The following ENTPD7 variants were observed in gnomAD, a reference collection of about 807,000 sequenced individuals.
ENTPD7 encodes NTPDase 7.
Under a neutral mutation model 77.9 loss-of-function variants are expected in ENTPD7, and 53 were observed. The observed-to-expected ratio is 0.68, with a 90% CI of 0.55 to 0.85. The LOEUF (loss-of-function observed/expected upper bound fraction) is 0.85. ENTPD7 is among the 40% of genes least tolerant of loss of function. ENTPD7 has a pLI of 0.00. For synonymous variants in ENTPD7, 248 were observed against 274.9 expected, an observed-to-expected ratio of 0.90 and a Z score of 0.97; for missense variants, 636 against 743.7, an observed-to-expected ratio of 0.86 and a Z score of 1.68.
In ENTPD7 at chr10:99,711,021, G is replaced by A. The variant is rs752667154; in HGVS notation, c.*6338G>A. 1 of 984,960 alleles carries A rather than the reference G, an allele frequency of 1.0e-6. No homozygotes were observed. Among genetic ancestry groups the A allele is most frequent in the African/African-American group, 1.7e-5 (1 of 57,184 alleles). 61.0% of individuals were successfully genotyped at this position (984,960 alleles called of 1,614,324 possible). A position where few individuals can be genotyped will look rare whatever the true frequency, so the allele number is the denominator to read the frequency against. On this transcript the variant is annotated 3_prime_UTR_variant, in exon 13 of 13. Transcript: ENST00000370489. Reference sequence around the variant, plus strand: ...AAAAAGGTATTTGGAACATCAATCTGTAATTATCCATTTTCCATTCATGCA... The same window carrying A: ...AAAAAGGTATTTGGAACATCAATCTATAATTATCCATTTTCCATTCATGCA...
At position 99,696,128 on chromosome 10, in the gene ENTPD7, T is replaced by C; in HGVS notation, c.1010+6T>C. ...GAAACTCTTAACAAAAACAGGTACA[T>C]TTGATATGGGATCTGAGTTTCTGAA... On this transcript the variant is annotated splice_donor_region_variant and intron_variant, in intron 9 of 12. Coordinates refer to ENST00000370489, the MANE Select transcript of ENTPD7 (RefSeq NM_020354.5). 6.2e-7 allele frequency: 1 copy of C among 1,612,598 alleles called. No individual in the cohort carries two copies. The highest frequency in any genetic ancestry group is 8.5e-7 in the Non-Finnish European group (1 of 1,179,566).
intron 3 of ENTPD7, among the ~76,000 whole-genome samples, chr10:99,676,762 G>A (rs1243351001): frequency 6.6e-6 from 1 of 152,112 alleles, no homozygotes; most frequent in Non-Finnish European, 1.5e-5. Flanking sequence ...GATATGTGGT[G>A]AAATGGAATC....
At chr10:99,693,806 T>C (rs1381553043) in intron 8 of ENTPD7, among the ~76,000 whole-genome samples, 1 of 151,854 alleles carries the variant, frequency 6.6e-6, no homozygotes, top group Non-Finnish European at 1.5e-5. Flanking sequence ...CTAACCCTGC[T>C]ACTCAGGAGG....
Position 99,661,541 on chromosome 10 carries a change from T to C in ENTPD7, c.104T>C (p.Phe35Ser). Residue 35 changes from phenylalanine (F) to serine (S), a missense_variant, in exon 3 of 13, where the codon TTC becomes TCC. By Grantham distance (155) the Phe-to-Ser change is radical. Coordinates refer to ENST00000370489, the MANE Select transcript of ENTPD7 (RefSeq NM_020354.5). The stretch of plus-strand genomic sequence containing the variant: ...CAGCGGGTGGCATTCCTGGGACTCT[T>C]CTTCATATCCTGTCTCCTTTTACTT... ...LRQRVAFLGL[F>S]FISCLLLLML... is the part of the protein sequence containing the mutation. 6.2e-7 allele frequency: 1 copy of C among 1,614,048 alleles called. No individual in the cohort carries two copies. Among genetic ancestry groups the C allele is most frequent in the South Asian group, 1.1e-5 (1 of 91,068 alleles).
At chr10:99,667,177 A>G (rs2035560582) in intron 3 of ENTPD7, among the ~76,000 whole-genome samples, 1 of 152,232 alleles carries the variant, frequency 6.6e-6, no homozygotes, top group Admixed American at 6.5e-5. Flanking sequence ...ACACCCTGGA[A>G]TGCTGTGGCT....
rs1448943869 is a variant in ENTPD7 at position 99,663,329 on chromosome 10, GTCC to G, written c.191+1703_191+1705del. Among the ~76,000 whole-genome samples the G allele has an allele frequency of 6.6e-5, 10 of 152,164 alleles. No individual in the cohort carries two copies. The East Asian group carries it at 1.9e-3, about 29-fold the overall frequency. The stretch of plus-strand genomic sequence containing the variant: ...TTGCATTCTTTCTGAGATGTCTGCT[GTCC>G]TTTTAATCTTTGTTCTCTCTGTATA... On this transcript the variant is annotated intron_variant, in intron 3 of 12. Transcript: ENST00000370489.
intron 3 of ENTPD7, among the ~76,000 whole-genome samples, chr10:99,671,517 A>C (rs2035618978): frequency 6.6e-6 from 1 of 152,162 alleles, no homozygotes; most frequent in Non-Finnish European, 1.5e-5. Flanking sequence ...AAGTAATAGG[A>C]ATTTTTTCAG....
intron 8 of ENTPD7, 119 bp downstream of exon 8, chr10:99,691,637 A>T: frequency 8.8e-7 from 1 of 1,131,182 alleles, no homozygotes; most frequent in Non-Finnish European, 1.2e-6. Flanking sequence ...GATACTTGCT[A>T]GCTTGCGTTA....
chr10:99,660,658 C>T (rs1215361896), intron 2 of ENTPD7, among the ~76,000 whole-genome samples: 1 of 152,180 alleles, frequency 6.6e-6, no homozygotes, highest in African/African-American at 2.4e-5. Context: ...GGTGCAGTAG[C>T]TCACGCCTGT....
chr10:99,709,867 A>G lies in ENTPD7; in HGVS notation c.*5184A>G. On this transcript the variant is annotated 3_prime_UTR_variant, in exon 13 of 13. Coordinates refer to ENST00000370489, the MANE Select transcript of ENTPD7 (RefSeq NM_020354.5). ...AGGGACGAGGAAGGAATAACACACC[A>G]GTTGACCATTTTGTTTCTCTGAAAA... 1 of 985,444 alleles carries G rather than the reference A, an allele frequency of 1.0e-6. No individual in the cohort carries two copies. Among genetic ancestry groups the G allele is most frequent in the Non-Finnish European group, 1.2e-6 (1 of 829,912 alleles). 61.0% of individuals were successfully genotyped at this position (985,444 alleles called of 1,614,324 possible).
Position 99,679,356 on chromosome 10 carries a change from G to A in ENTPD7, c.287G>A (p.Arg96Gln), listed in dbSNP as rs775993892. ...LVVDCGSSGS[R>Q]IFVYFWPRHN... is the part of the protein sequence containing the mutation. Reference sequence around the variant, plus strand: ...GTTGACTGTGGCAGCAGTGGTTCCCGGATTTTTGTTTATTTCTGGCCAAGA... The same window carrying A: ...GTTGACTGTGGCAGCAGTGGTTCCCAGATTTTTGTTTATTTCTGGCCAAGA... The change falls in exon 4 of 13, where the codon CGG (arginine) becomes CAG (glutamine). Residue 96 changes from arginine to glutamine, a missense_variant. Around this residue, in one of 3 missense-constraint regions of ENTPD7, gnomAD observed 486 missense variants for 556.5 expected, o/e 0.87. Transcript: ENST00000370489. The A allele has an allele frequency of 2.4e-5, 38 of 1,613,934 alleles. No individual in the cohort carries two copies. Among genetic ancestry groups the A allele is most frequent in the Middle Eastern group, 3.3e-4 (2 of 6,084 alleles).
intron 5 of ENTPD7, among the ~76,000 whole-genome samples, chr10:99,683,026 C>G (rs1045947463): frequency 7.2e-5 from 11 of 152,166 alleles, no homozygotes; most frequent in Admixed American, 7.2e-4. Flanking sequence ...TGTGTAGCTC[C>G]ACCCTTTTTG....
chr10:99,694,260 G>A lies in ENTPD7; in HGVS notation c.844-1696G>A, dbSNP rs866975757. Among the ~76,000 whole-genome samples, 35 of 152,160 alleles carry A rather than the reference G, an allele frequency of 2.3e-4. 1 individual carries two copies. The Middle Eastern group carries it at 0.01, about 44-fold the overall frequency. The stretch of plus-strand genomic sequence containing the variant: ...TCTCTCCAGTGGATTTGCCTATTCC[G>A]GACATTTTGTATAAATGAAATCATA... On this transcript the variant is annotated intron_variant, in intron 8 of 12. Coordinates refer to ENST00000370489, the MANE Select transcript of ENTPD7 (RefSeq NM_020354.5).
intron 11 of ENTPD7, among the ~76,000 whole-genome samples, chr10:99,701,770 G>A (rs940612911): frequency 1.9e-4 from 29 of 151,742 alleles, no homozygotes; most frequent in African/African-American, 6.3e-4. Flanking sequence ...TAAAATTGCC[G>A]GGCATGGTGG....
rs190584330 is a variant in ENTPD7, at chr10:99,660,748, C to T, written c.9-698C>T. 8.1e-4 allele frequency among the ~76,000 whole-genome samples: 123 copies of T among 152,092 alleles called. 1 individual carries two copies. Among genetic ancestry groups the T allele is most frequent in the Non-Finnish European group, 1.3e-3 (89 of 67,990 alleles). ...AGGACCAGCCTGGCCAAGTAGAAAC[C>T]CGGTCTCTACTAAAAATACGAAAAT... On this transcript the variant is annotated intron_variant, in intron 2 of 12. Transcript: ENST00000370489.
intron 11 of ENTPD7, among the ~76,000 whole-genome samples, chr10:99,701,486 G>T (rs890437703): frequency 6.6e-6 from 1 of 151,404 alleles, no homozygotes; most frequent in Admixed American, 6.6e-5. Flanking sequence ...ACGGGGTTTC[G>T]CAATGTTGCC....
At chr10:99,674,191 A>G (rs780054409) in intron 3 of ENTPD7, among the ~76,000 whole-genome samples, 20 of 152,186 alleles carry the variant, frequency 1.3e-4, no homozygotes, top group Non-Finnish European at 2.8e-4. Context: ...GAGAAAAGGA[A>G]GGCTGTATTA....
chr10:99,670,480 A>G lies in ENTPD7; in HGVS notation c.192-8781A>G, dbSNP rs141551124. ...TCGTGTGTTATATAATGATTGGGAT[A>G]TGTTCTAATAAATGCATCATTAAGT... is the stretch of plus-strand genomic sequence containing the variant. On this transcript the variant is annotated intron_variant, in intron 3 of 12. Transcript: ENST00000370489. 1.1e-3 allele frequency among the ~76,000 whole-genome samples: 166 copies of G among 152,320 alleles called. 1 individual carries two copies. The highest frequency in any genetic ancestry group is 2.2e-3 in the Admixed American group (33 of 15,294).
intron 3 of ENTPD7, among the ~76,000 whole-genome samples, chr10:99,669,480 C>G (rs984342446): frequency 6.6e-6 from 1 of 151,866 alleles, no homozygotes; most frequent in Non-Finnish European, 1.5e-5. Context: ...AACATGTATC[C>G]ATATTGCTTC....
Sources: allele counts gnomAD v4.1 joint callset (sites outside exome capture counted in the v4.1 genomes callset), GRCh38; gene constraint gnomAD v4.1.1; regional missense constraint gnomAD v4.1.1; transcripts MANE v1.5; gene names NCBI Gene and HGNC (gene_info 2026-07-23, HGNC 2026-07-21).